ADCY5: variants seen among roughly 807,000 people sequenced by gnomAD.
ADCY5 encodes the protein adenylate cyclase type 5.
A neutral mutation model predicts 119.7 loss-of-function variants in ADCY5; 30 were observed. That is an observed-to-expected ratio of 0.25 (90% CI 0.19 to 0.34). ADCY5 has a LOEUF of 0.34. ADCY5 is among the 10% of genes least tolerant of loss of function. The pLI is 1.00. For synonymous variants in ADCY5, 753 were observed against 762.2 expected (o/e 0.99, Z 0.20); for missense variants, 1,324 against 1,775.2 (o/e 0.75, Z 4.57).
At chr3:123,364,495 T>C (rs2107513139) in intron 1 of ADCY5, among the ~76,000 whole-genome samples, 1 of 152,166 alleles carries the variant, frequency 6.6e-6, no homozygotes, top group East Asian at 1.9e-4. Context: ...GCAAACAGCA[T>C]CAATATGGAT....
intron 5 of ADCY5, 60 bp from the exon 6 acceptor site, chr3:123,328,862 G>T (rs1941621366): frequency 1.3e-6 from 2 of 1,546,984 alleles, no homozygotes; most frequent in Non-Finnish European, 1.8e-6. Context: ...ACAGAATGGG[G>T]GTGAGGCTGC....
At chr3:123,334,045 C>A (rs918175750) in intron 3 of ADCY5, among the ~76,000 whole-genome samples, 3 of 152,156 alleles carry the variant, frequency 2.0e-5, no homozygotes, top group South Asian at 2.1e-4. Flanking sequence ...AAAACATTTT[C>A]TTTTTCCTTT....
intron 9 of ADCY5, 141 bp from the exon 10 acceptor site, chr3:123,319,959 G>C: frequency 1.7e-6 from 2 of 1,182,432 alleles, no homozygotes; most frequent in African/African-American, 1.5e-5. Context: ...AGCGGGAGCT[G>C]AGACTGAGAC....
At chr3:123,287,071 C>CA in intron 19 of ADCY5, 1 of 384,416 alleles carries the variant, frequency 2.6e-6, no homozygotes. Flanking sequence ...TAGTGACCTC[C>CA]TGTGCAATGC....
At chr3:123,319,634 G>T in intron 10 of ADCY5, 40 bp downstream of exon 10, 1 of 1,605,136 alleles carries the variant, frequency 6.2e-7, no homozygotes, top group Non-Finnish European at 8.5e-7. Context: ...CCTGGTCCTG[G>T]TTCAGCACAG....
intron 8 of ADCY5, among the ~76,000 whole-genome samples, chr3:123,324,173 C>T (rs1318113330): frequency 1.3e-5 from 2 of 152,102 alleles, no homozygotes; most frequent in South Asian, 2.1e-4. Flanking sequence ...GTACATTTTC[C>T]TTAAGCTCGT....
intron 1 of ADCY5, among the ~76,000 whole-genome samples, chr3:123,444,224 G>A (rs532364130): frequency 6.6e-6 from 1 of 152,260 alleles, no homozygotes; most frequent in African/African-American, 2.4e-5. Flanking sequence ...AACAGGCAAA[G>A]GAGGAGAAAA....
chr3:123,360,764 A>C (rs1943220815), intron 1 of ADCY5, among the ~76,000 whole-genome samples: 1 of 152,274 alleles, frequency 6.6e-6, no homozygotes. Flanking sequence ...GGAAAAACAA[A>C]ATAGACTAGA....
chr3:123,360,061 G>T (rs1456117), intron 1 of ADCY5, among the ~76,000 whole-genome samples: 24,863 of 146,976 alleles, frequency 0.17, 2,550 homozygotes, highest in Middle Eastern at 0.25. Flanking sequence ...GGTGCTTAAT[G>T]TTTTTTTTTT....
intron 4 of ADCY5, 122 bp from the exon 5 acceptor site, chr3:123,331,138 G>A (rs532511599): frequency 2.5e-5 from 27 of 1,058,940 alleles, no homozygotes; most frequent in South Asian, 7.8e-5. Context: ...GGCAGTGAGC[G>A]CAGGCCCACG....
chr3:123,371,491 C>T (rs996152580), intron 1 of ADCY5, among the ~76,000 whole-genome samples: 1 of 152,266 alleles, frequency 6.6e-6, no homozygotes, highest in Admixed American at 6.5e-5. Context: ...AATTTGTCAA[C>T]TGTCTTGAAG....
intron 3 of ADCY5, among the ~76,000 whole-genome samples, chr3:123,338,904 G>A (rs1460679467): frequency 6.6e-6 from 1 of 152,004 alleles, no homozygotes; most frequent in Non-Finnish European, 1.5e-5. Flanking sequence ...CTGCTCCTGT[G>A]CACATCCTGC....
intron 1 of ADCY5, among the ~76,000 whole-genome samples, chr3:123,359,022 C>T (rs568311215): frequency 5.3e-5 from 8 of 152,132 alleles, no homozygotes; most frequent in African/African-American, 1.9e-4. Flanking sequence ...AGGTGCAAGG[C>T]AAAGGGGAAT....
intron 17 of ADCY5, 33 bp downstream of exon 17, chr3:123,296,051 T>C (rs1233307182): frequency 1.2e-6 from 2 of 1,609,610 alleles, no homozygotes; most frequent in Admixed American, 1.7e-5. Flanking sequence ...CCCAAATGCC[T>C]CCCTCCCCAG....
chr3:123,402,954 T>G (rs1305021329), intron 1 of ADCY5, among the ~76,000 whole-genome samples: 1 of 151,768 alleles, frequency 6.6e-6, no homozygotes, highest in Non-Finnish European at 1.5e-5. Flanking sequence ...TAGAGATTGG[T>G]GATTTAAAAA....
chr3:123,284,477 G>T lies in ADCY5; in HGVS notation c.*131C>A, dbSNP rs541922170. On this transcript the variant is annotated 3_prime_UTR_variant, in exon 21 of 21. Transcript: ENST00000462833. ...CAGCAAAGGCAGAAGCTGCTCTGGAGTCCAAGTGGAAAATCTCAGCAGCGC... is the reference window on the plus strand; with the variant it reads ...CAGCAAAGGCAGAAGCTGCTCTGGATTCCAAGTGGAAAATCTCAGCAGCGC... 18 of 1,417,816 alleles carry T rather than the reference G, an allele frequency of 1.3e-5. No individual in the cohort carries two copies. In the South Asian group the frequency reaches 2.3e-4, roughly 18 times the overall value. 87.8% of individuals were successfully genotyped at this position (1,417,816 alleles called of 1,614,324 possible).
chr3:123,387,872 G>T (rs1482138713), intron 1 of ADCY5, among the ~76,000 whole-genome samples: 1 of 152,200 alleles, frequency 6.6e-6, no homozygotes, highest in Admixed American at 6.5e-5. Context: ...GTCACGGTGT[G>T]TGGTCACACA....
Position 123,447,441 on chromosome 3 carries a change from T to C in ADCY5, c.1105A>G (p.Asn369Asp), listed in dbSNP as rs1366013592. 3.1e-6 allele frequency: 5 copies of C among 1,601,112 alleles called. No individual in the cohort carries two copies. The highest frequency in any genetic ancestry group is 1.3e-5 in the African/African-American group (1 of 74,714). ...ALHLAIALRT[N>D]AQDQFLLKQL... ...TTCAGCAGGAACTGGTCCTGGGCGT[T>C]GGTGCGCAGGGCGATGGCCAGGTGG... Residue 369 changes from asparagine (N) to aspartate (D), a missense_variant, in exon 1 of 21, where the codon AAC (asparagine) becomes GAC (aspartate). This residue lies in a region of ADCY5 where 585 missense variants were observed against 569.9 expected (regional missense o/e 1.03). Transcript: ENST00000462833.
At chr3:123,407,747 CAG>C (rs1944937045) in intron 1 of ADCY5, among the ~76,000 whole-genome samples, 1 of 121,580 alleles carries the variant, frequency 8.2e-6, no homozygotes, top group Non-Finnish European at 1.8e-5. Context: ...GCCTGGGCAA[CAG>C]AGTGAGACCC....
Sources: allele counts gnomAD v4.1 joint callset (sites outside exome capture counted in the v4.1 genomes callset), GRCh38; gene constraint gnomAD v4.1.1; regional missense constraint gnomAD v4.1.1; transcripts MANE v1.5; gene names NCBI Gene and HGNC (gene_info 2026-07-23, HGNC 2026-07-21).